Variants in RCN1 observed in about 807,000 individuals in gnomAD.
RCN1 encodes reticulocalbin-1.
RCN1 carries 14 observed loss-of-function variants against 34.7 expected under a neutral mutation model. That is an observed-to-expected ratio of 0.40 (90% CI 0.27 to 0.63). The LOEUF (loss-of-function observed/expected upper bound fraction) is 0.63, where lower values mean the gene tolerates loss of function less well. Among genes scored for constraint, RCN1 ranks in the 30% least tolerant of loss-of-function variants. The pLI is 0.37. For synonymous variants in RCN1, 125 were observed against 165.5 expected (o/e 0.76, Z 1.88); for missense variants, 326 against 425.1 (o/e 0.77, Z 2.05).
chr11:32,102,048 TAC>T (rs1852049866), intron 4 of RCN1: 1 of 151,982 alleles, frequency 6.6e-6, no homozygotes, highest in Non-Finnish European at 1.5e-5. Flanking sequence ...GAAAATCGAA[TAC>T]CTAGTGACTC....
chr11:32,100,470 C>G lies in RCN1; in HGVS notation c.628-78C>G, dbSNP rs182999868. On this transcript the variant is annotated intron_variant, in intron 3 of 5. Coordinates refer to ENST00000054950, the MANE Select transcript of RCN1 (RefSeq NM_002901.4). ...CAAGCATTCAGCCGTAAAAGCTGGA[C>G]AAATGAGGACAATAGAATTCTCAGA... 38 of 1,199,146 alleles carry G rather than the reference C, an allele frequency of 3.2e-5. No homozygotes were observed. In the African/African-American group the frequency reaches 4.9e-4, roughly 16 times the overall value. 74.3% of individuals were successfully genotyped at this position (1,199,146 alleles called of 1,614,324 possible). A position where few individuals can be genotyped will look rare whatever the true frequency, so the allele number is the denominator to read the frequency against.
intron 4 of RCN1, chr11:32,102,969 C>T (rs1182492981): frequency 2.0e-6 from 1 of 497,044 alleles, no homozygotes; most frequent in Non-Finnish European, 3.9e-6. Context: ...TCATAATAGC[C>T]CCATGATTTA....
At position 32,092,842 on chromosome 11, in the gene RCN1, G is replaced by A. The variant is rs1158108582; in HGVS notation, c.254+1392G>A. ...CACAGCCATCCCTGTGCTCCTGGGGGCCTCCAAAGGCCAAAGTGTTTCATT... is the reference window on the plus strand; with the variant it reads ...CACAGCCATCCCTGTGCTCCTGGGGACCTCCAAAGGCCAAAGTGTTTCATT... On this transcript the variant is annotated intron_variant, in intron 1 of 5. Coordinates refer to ENST00000054950, the MANE Select transcript of RCN1 (RefSeq NM_002901.4). Among the ~76,000 whole-genome samples the A allele has an allele frequency of 2.0e-5, 3 of 152,296 alleles. No homozygotes were observed. In the East Asian group the frequency reaches 5.8e-4, roughly 29 times the overall value.
chr11:32,100,419 A>T (rs1852022818), intron 3 of RCN1, 129 bp from the exon 4 acceptor site: 2 of 712,232 alleles, frequency 2.8e-6, no homozygotes, highest in Non-Finnish European at 5.0e-6. Flanking sequence ...GTTCCCAGGG[A>T]AGTAAGGCGA....
At chr11:32,101,624 T>C (rs1354779276) in intron 4 of RCN1, among the ~76,000 whole-genome samples, 1 of 152,194 alleles carries the variant, frequency 6.6e-6, no homozygotes, top group Non-Finnish European at 1.5e-5. Context: ...TGTTTGATCA[T>C]GAGCCAAACA....
intron 4 of RCN1, chr11:32,102,300 C>T (rs61878815): frequency 0.13 from 20,169 of 152,002 alleles, 1,515 homozygotes; most frequent in East Asian, 0.28. Context: ...TTACAGGATT[C>T]GATGAAGCTC....
intron 1 of RCN1, among the ~76,000 whole-genome samples, chr11:32,095,552 C>T (rs1044072808): frequency 1.3e-5 from 2 of 152,132 alleles, no homozygotes; most frequent in African/African-American, 2.4e-5. Flanking sequence ...GGACTACAGG[C>T]ACCCGCCACC....
At chr11:32,096,284 T>C (rs933796412) in intron 1 of RCN1, among the ~76,000 whole-genome samples, 1 of 152,228 alleles carries the variant, frequency 6.6e-6, no homozygotes, top group African/African-American at 2.4e-5. Context: ...ACTGGGATGC[T>C]GTCCTGGTTT....
In RCN1 at chr11:32,097,119, CTTTTT is replaced by C. The variant is rs374577571; in HGVS notation, c.255-14_255-10del. 7.9e-5 allele frequency: 103 copies of C among 1,306,022 alleles called. No individual in the cohort carries two copies. The highest frequency in any genetic ancestry group is 5.8e-4 in the South Asian group (30 of 51,652). The allele number at this position is 1,306,022 out of a possible 1,614,324, so 80.9% of individuals were successfully genotyped here. ...CAGCCTTGTGCCTGTGTGTGGGTTT[CTTTTT>C]TTTTTTTTTTGTACTGCAGGAAGAT... On this transcript the variant is annotated intron_variant, in intron 1 of 5. Transcript: ENST00000054950.
chr11:32,102,987 T>C (rs1411159850), intron 4 of RCN1: 3 of 521,584 alleles, frequency 5.8e-6, no homozygotes, highest in African/African-American at 1.9e-5. Flanking sequence ...TTATAAATTA[T>C]CATCTCCATT....
intron 1 of RCN1, among the ~76,000 whole-genome samples, chr11:32,092,119 C>G (rs182407777): frequency 5.3e-5 from 8 of 152,126 alleles, no homozygotes; most frequent in Admixed American, 3.3e-4. Context: ...ACCAGCCTGA[C>G]CAAACGGCGA....
At chr11:32,099,827 C>G (rs1345044918) in intron 3 of RCN1, among the ~76,000 whole-genome samples, 1 of 152,200 alleles carries the variant, frequency 6.6e-6, no homozygotes, top group African/African-American at 2.4e-5. Flanking sequence ...CTCCAAGAAT[C>G]ATTTCTCTTT....
chr11:32,095,440 C>A (rs1015880912), intron 1 of RCN1, among the ~76,000 whole-genome samples: 11 of 151,702 alleles, frequency 7.3e-5, no homozygotes, highest in African/African-American at 2.7e-4. Flanking sequence ...CGGAGTCTTG[C>A]CCTGTCGCCC....
chr11:32,095,658 T>A (rs1851966205), intron 1 of RCN1, among the ~76,000 whole-genome samples: 1 of 152,164 alleles, frequency 6.6e-6, no homozygotes, highest in Non-Finnish European at 1.5e-5. Flanking sequence ...TCCACCTGCC[T>A]CGGCCTCCCA....
chr11:32,094,118 G>C (rs901978190), intron 1 of RCN1, among the ~76,000 whole-genome samples: 3 of 152,156 alleles, frequency 2.0e-5, no homozygotes, highest in Non-Finnish European at 4.4e-5. Flanking sequence ...TTTGGGATGG[G>C]GCTGAGTGTG....
intron 2 of RCN1, among the ~76,000 whole-genome samples, chr11:32,097,960 C>G (rs111548206): frequency 5.3e-5 from 8 of 152,276 alleles, no homozygotes; most frequent in African/African-American, 1.7e-4. Context: ...TGCACTCACG[C>G]GGCCAGAATC....
chr11:32,099,593 T>C (rs567741231), intron 3 of RCN1, among the ~76,000 whole-genome samples: 1 of 152,308 alleles, frequency 6.6e-6, no homozygotes, highest in African/African-American at 2.4e-5. Context: ...TAGTGTCTTG[T>C]TGGGTCCCAA....
At chr11:32,100,448 GC>G in intron 3 of RCN1, 99 bp from the exon 4 acceptor site, 1 of 937,876 alleles carries the variant, frequency 1.1e-6, no homozygotes, top group Non-Finnish European at 1.7e-6. Flanking sequence ...AAGTCACCAA[GC>G]ATTCAGCCGT....
At chr11:32,103,592 C>G in intron 5 of RCN1, 112 bp downstream of exon 5, 1 of 905,488 alleles carries the variant, frequency 1.1e-6, no homozygotes, top group East Asian at 2.4e-5. Flanking sequence ...TCTTTATTGA[C>G]TTTTCCTTCT....
Sources: gnomAD v4.1 joint callset for allele counts (sites outside exome capture counted in the v4.1 genomes callset) on GRCh38, gnomAD v4.1.1 for gene constraint, MANE v1.5 for transcripts, NCBI Gene and HGNC (gene_info 2026-07-23, HGNC 2026-07-21) for gene names.